Variants in AGTPBP1 observed in about 807,000 individuals in gnomAD.
The protein encoded by AGTPBP1 is ATP/GTP binding carboxypeptidase 1.
A neutral mutation model predicts 143.9 loss-of-function variants in AGTPBP1; 70 were observed. That is an observed-to-expected ratio of 0.49 (90% CI 0.40 to 0.59). The LOEUF is 0.59. Among genes scored for constraint, AGTPBP1 ranks in the 20% least tolerant of loss-of-function variants. AGTPBP1 has a pLI of 0.00. For missense variants in AGTPBP1, 1,229 were observed against 1,464.5 expected (o/e 0.84, Z 2.62); for synonymous variants, 463 against 500.2 (o/e 0.93, Z 0.99).
chr9:85,638,457 T>C (rs1832231461), intron 13 of AGTPBP1, among the ~76,000 whole-genome samples: 1 of 151,672 alleles, frequency 6.6e-6, no homozygotes, highest in African/African-American at 2.4e-5. Context: ...GAGATAAACA[T>C]AAAGAGATAA....
At chr9:85,659,394 C>T (rs1352877474) in intron 9 of AGTPBP1, among the ~76,000 whole-genome samples, 2 of 152,098 alleles carry the variant, frequency 1.3e-5, no homozygotes, top group East Asian at 3.9e-4. Context: ...TAAAAATATG[C>T]AGTAGGCTAC....
intron 3 of AGTPBP1, among the ~76,000 whole-genome samples, chr9:85,689,925 A>AAAAAAT (rs58719163): frequency 0.012 from 846 of 72,230 alleles, 35 homozygotes; most frequent in Non-Finnish European, 0.017. Context: ...AAAAAAAAAA[A>AAAAAAT]ATATATATAT....
At chr9:85,579,547 C>A (rs532396132) in intron 23 of AGTPBP1, among the ~76,000 whole-genome samples, 3 of 150,220 alleles carry the variant, frequency 2.0e-5, no homozygotes, top group African/African-American at 7.4e-5. Context: ...CAGTTTCACC[C>A]GAAAGCATAA....
At chr9:85,741,531 G>A (rs62570634) in intron 1 of AGTPBP1, 19,379 of 985,402 alleles carry the variant, frequency 0.02, 206 homozygotes, top group Middle Eastern at 0.032. Flanking sequence ...AGGGTCCGGG[G>A]ACTGGGGAAG....
At chr9:85,660,876 C>T (rs1016605078) in intron 9 of AGTPBP1, 60 bp downstream of exon 9, 2 of 1,222,626 alleles carry the variant, frequency 1.6e-6, no homozygotes. Flanking sequence ...GTTTCTTTAA[C>T]ATAATAAATA....
intron 2 of AGTPBP1, among the ~76,000 whole-genome samples, chr9:85,711,441 CTTTTT>C: frequency 7.2e-6 from 1 of 139,308 alleles, no homozygotes; most frequent in South Asian, 2.3e-4. Flanking sequence ...TTTTTTCTTT[CTTTTT>C]TTTTTTTTTT....
At chr9:85,612,475 T>C (rs1291481899) in intron 17 of AGTPBP1, among the ~76,000 whole-genome samples, 1 of 152,196 alleles carries the variant, frequency 6.6e-6, no homozygotes, top group Non-Finnish European at 1.5e-5. Flanking sequence ...CTTCTGGACC[T>C]ACCTGTTCAT....
chr9:85,689,404 G>C (rs1177417342), intron 3 of AGTPBP1, among the ~76,000 whole-genome samples: 1 of 152,074 alleles, frequency 6.6e-6, no homozygotes, highest in Non-Finnish European at 1.5e-5. Flanking sequence ...GGGGTTACAA[G>C]AGTCCCCATC....
the AGTPBP1 span, among the ~76,000 whole-genome samples, chr9:85,777,147 A>G: frequency 6.6e-6 from 1 of 152,176 alleles, no homozygotes; most frequent in African/African-American, 2.4e-5. Context: ...CTTTAGCCAT[A>G]AAGTGAGTAA....
chr9:85,561,220 GGT>G (rs1259752867), intron 25 of AGTPBP1, among the ~76,000 whole-genome samples: 1 of 151,958 alleles, frequency 6.6e-6, no homozygotes, highest in Non-Finnish European at 1.5e-5. Flanking sequence ...AAATTAGCCA[GGT>G]GTGGTGGTGC....
intron 8 of AGTPBP1, 138 bp from the exon 9 acceptor site, chr9:85,661,111 ACATG>A (rs1833831446): frequency 1.5e-6 from 1 of 666,846 alleles, no homozygotes. Flanking sequence ...AGATAATTAC[ACATG>A]GTATTTCTCC....
intron 8 of AGTPBP1, among the ~76,000 whole-genome samples, chr9:85,666,697 GGAA>G (rs1834154004): frequency 6.6e-6 from 1 of 151,818 alleles, no homozygotes; most frequent in Non-Finnish European, 1.5e-5. Flanking sequence ...CATTTCCCCT[GGAA>G]ACATTTTATA....
chr9:85,592,809 T>A (rs1829056153), intron 18 of AGTPBP1, 105 bp from the exon 19 acceptor site: 1 of 1,402,466 alleles, frequency 7.1e-7, no homozygotes, highest in Admixed American at 2.3e-5. Context: ...AAAACCCGAG[T>A]CTGTAAAAAG....
intron 17 of AGTPBP1, among the ~76,000 whole-genome samples, chr9:85,614,177 C>CT (rs201534743): frequency 0.017 from 2,512 of 152,074 alleles, 29 homozygotes; most frequent in Middle Eastern, 0.054. Flanking sequence ...CAGTGTACCC[C>CT]TTTAATTTAA....
chr9:85,763,326 A>G, the AGTPBP1 span, among the ~76,000 whole-genome samples: 1 of 152,130 alleles, frequency 6.6e-6, no homozygotes, highest in East Asian at 1.9e-4. Context: ...GGAAATACCA[A>G]AGGGAAGACC....
chr9:85,668,967 ATGTGTGTGTGTG>A (rs539493558), intron 8 of AGTPBP1, among the ~76,000 whole-genome samples: 4,735 of 114,378 alleles, frequency 0.041, 152 homozygotes, highest in African/African-American at 0.075. Context: ...ACATACATAC[ATGTGTGTGTGTG>A]TGTGTGTGTG....
chr9:85,711,424 C>CT (rs1837356770), intron 2 of AGTPBP1, among the ~76,000 whole-genome samples: 2 of 151,056 alleles, frequency 1.3e-5, no homozygotes, highest in African/African-American at 2.4e-5. Flanking sequence ...ATCAGTTAAA[C>CT]TTTATCTTTT....
intron 17 of AGTPBP1, among the ~76,000 whole-genome samples, chr9:85,611,580 TAATTG>T (rs1830320975): frequency 6.6e-6 from 1 of 152,008 alleles, no homozygotes; most frequent in African/African-American, 2.4e-5. Flanking sequence ...AAACACAACA[TAATTG>T]AAAGACTATT....
rs190212327 is a variant in AGTPBP1, at chr9:85,547,661, T to A, written c.3504-375A>T. ...GTGTATCAGGCAAATATAATTTCAA[T>A]AGTCCTTACAAGAAACTGTGAGCAT... is the stretch of plus-strand genomic sequence containing the variant. On this transcript the variant is annotated intron_variant, in intron 25 of 25. Transcript: ENST00000357081. Among the ~76,000 whole-genome samples, 4 of 152,332 alleles carry A rather than the reference T, an allele frequency of 2.6e-5. No homozygotes were observed. The East Asian group carries it at 7.7e-4, about 29-fold the overall frequency.
Sources: gnomAD v4.1 joint callset for allele counts (sites outside exome capture counted in the v4.1 genomes callset) on GRCh38, gnomAD v4.1.1 for gene constraint, MANE v1.5 for transcripts, NCBI Gene and HGNC (gene_info 2026-07-23, HGNC 2026-07-21) for gene names.